The following IPP variants were observed in gnomAD, a reference collection of about 807,000 sequenced individuals.
IPP encodes actin-binding protein IPP.
A neutral mutation model predicts 64.1 loss-of-function variants in IPP; 41 were observed. The observed-to-expected ratio is 0.64, with a 90% CI of 0.50 to 0.83. The LOEUF is 0.83. IPP is among the 40% of genes least tolerant of loss of function. The pLI is 0.00. For synonymous variants in IPP, 214 were observed against 235.2 expected (o/e 0.91, Z 0.83); for missense variants, 649 against 703.0 (o/e 0.92, Z 0.87).
chr1:45,707,745 C>CAT (rs987581920), intron 8 of IPP, among the ~76,000 whole-genome samples: 18 of 151,052 alleles, frequency 1.2e-4, no homozygotes, highest in South Asian at 8.3e-4. Flanking sequence ...GGTGGTCTTA[C>CAT]ATATATATAT....
chr1:45,707,089 C>T (rs1448879769), intron 8 of IPP, among the ~76,000 whole-genome samples: 1 of 152,088 alleles, frequency 6.6e-6, no homozygotes, highest in Non-Finnish European at 1.5e-5. Flanking sequence ...TTTTACAAGT[C>T]AACAGATACA....
intron 3 of IPP, among the ~76,000 whole-genome samples, chr1:45,734,758 T>C (rs937452786): frequency 1.1e-4 from 16 of 151,980 alleles, no homozygotes; most frequent in Non-Finnish European, 2.1e-4. Context: ...TGGCTGGGAA[T>C]ACAGACATGC....
chr1:45,724,282 T>C (rs1264732109), intron 5 of IPP, among the ~76,000 whole-genome samples: 1 of 152,062 alleles, frequency 6.6e-6, no homozygotes, highest in Non-Finnish European at 1.5e-5. Flanking sequence ...GTTCACTCAG[T>C]GCTCAATGGT....
intron 1 of IPP, among the ~76,000 whole-genome samples, chr1:45,748,542 G>A (rs1276939343): frequency 2.6e-5 from 4 of 152,000 alleles, no homozygotes; most frequent in Non-Finnish European, 4.4e-5. Flanking sequence ...TGATAGCACA[G>A]GCCTGTAGTC....
chr1:45,725,228 G>A (rs1645802797), intron 5 of IPP, among the ~76,000 whole-genome samples: 5 of 131,002 alleles, frequency 3.8e-5, no homozygotes, highest in African/African-American at 8.7e-5. Context: ...TCAGCCCCCC[G>A]CCTGGCCAGC....
intron 3 of IPP, among the ~76,000 whole-genome samples, chr1:45,738,311 A>ATT (rs57580711): frequency 6.8e-6 from 1 of 147,562 alleles, no homozygotes; most frequent in South Asian, 2.1e-4. Flanking sequence ...ATTTAGTGTC[A>ATT]TTTTTTTTTT....
chr1:45,728,666 T>C (rs532382618), intron 4 of IPP, among the ~76,000 whole-genome samples: 1 of 152,132 alleles, frequency 6.6e-6, no homozygotes, highest in East Asian at 1.9e-4. Context: ...AGCTAATTTC[T>C]GTATTTTTGC....
In IPP at chr1:45,750,293, C is replaced by T. The variant is rs534802855; in HGVS notation, c.-51+304G>A. ...CACTAAAAGCTAATAATCGTTCCTGCGCTACCTAAAGGTCAGGGAAGGGAT... is the reference window on the plus strand; with the variant it reads ...CACTAAAAGCTAATAATCGTTCCTGTGCTACCTAAAGGTCAGGGAAGGGAT... On this transcript the variant is annotated intron_variant, in intron 1 of 8. Transcript: ENST00000396478. 5.3e-4 allele frequency among the ~76,000 whole-genome samples: 81 copies of T among 152,262 alleles called. 1 individual carries two copies. The highest frequency in any genetic ancestry group is 1.8e-3 in the African/African-American group (76 of 41,558).
rs111790627 is a variant in IPP at position 45,736,097 on chromosome 1, C to T, written c.724+4804G>A. The stretch of plus-strand genomic sequence containing the variant: ...CTGCGTTCTAGCTTCAGTGACAGAG[C>T]GAGACTCCATCTCAAAAAAAAAAAA... On this transcript the variant is annotated intron_variant, in intron 3 of 8. Coordinates refer to ENST00000396478, the MANE Select transcript of IPP (RefSeq NM_005897.3). 4.0e-3 allele frequency among the ~76,000 whole-genome samples: 594 copies of T among 147,400 alleles called. 5 individuals are homozygous for T. The highest frequency in any genetic ancestry group is 0.014 in the African/African-American group (562 of 39,830).
At chr1:45,700,226 G>T (rs1413185573) in intron 8 of IPP, 36 bp from the exon 9 acceptor site, 2 of 1,575,500 alleles carry the variant, frequency 1.3e-6, no homozygotes, top group Non-Finnish European at 1.7e-6. Context: ...TGTTAGCAGT[G>T]TTATGAAATG....
intron 5 of IPP, among the ~76,000 whole-genome samples, chr1:45,725,032 CG>C (rs1282589730): frequency 1.4e-5 from 2 of 139,610 alleles, no homozygotes; most frequent in Non-Finnish European, 3.1e-5. Context: ...GTCAGCCCCC[CG>C]CCCGGCCAGC....
At chr1:45,748,256 T>G (rs1328094336) in intron 1 of IPP, among the ~76,000 whole-genome samples, 2 of 152,194 alleles carry the variant, frequency 1.3e-5, no homozygotes, top group Admixed American at 6.6e-5. Context: ...AATATCACAC[T>G]GTACCTCATA....
intron 8 of IPP, among the ~76,000 whole-genome samples, chr1:45,704,528 G>A (rs562873274): frequency 9.5e-4 from 144 of 152,236 alleles, no homozygotes; most frequent in African/African-American, 3.3e-3. Context: ...GAGACACCGC[G>A]CCCGGCGGAA....
chr1:45,714,779 G>A (rs1284502820), intron 7 of IPP, among the ~76,000 whole-genome samples: 1 of 130,992 alleles, frequency 7.6e-6, no homozygotes, highest in East Asian at 2.2e-4. Context: ...AGATAAAACA[G>A]GAAAGGAACA....
chr1:45,696,415 C>T (rs1278099345), downstream of IPP, among the ~76,000 whole-genome samples: 1 of 152,198 alleles, frequency 6.6e-6, no homozygotes, highest in African/African-American at 2.4e-5. Context: ...AGTTTGGTAA[C>T]CCAGAATGCC....
chr1:45,729,158 A>G (rs1408477376), intron 4 of IPP, among the ~76,000 whole-genome samples: 2 of 151,512 alleles, frequency 1.3e-5, no homozygotes, highest in East Asian at 1.9e-4. Context: ...AAAAAAAAAA[A>G]AAGAAGAAGT....
rs750601627 is a variant in IPP at position 45,719,198 on chromosome 1, A to T, written c.1186+5T>A. 1.2e-6 allele frequency: 2 copies of T among 1,613,904 alleles called. No homozygotes were observed. The highest frequency in any genetic ancestry group is 4.5e-5 in the East Asian group (2 of 44,856). Reference sequence around the variant, plus strand: ...AGCTATCTTTAAACTGAACAACATAATTACCCAAAGCATAGATAGCCCCAT... The same window carrying T: ...AGCTATCTTTAAACTGAACAACATATTTACCCAAAGCATAGATAGCCCCAT... On this transcript the variant is annotated splice_donor_5th_base_variant and intron_variant, in intron 6 of 8. Transcript: ENST00000396478.
intron 2 of IPP, among the ~76,000 whole-genome samples, chr1:45,744,795 C>T (rs893705635): frequency 2.0e-5 from 3 of 151,246 alleles, no homozygotes; most frequent in Admixed American, 1.3e-4. Context: ...GCCGAGACCA[C>T]GCCACTACAC....
intron 8 of IPP, among the ~76,000 whole-genome samples, chr1:45,707,421 TC>T (rs1645526200): frequency 4.8e-5 from 1 of 20,898 alleles, no homozygotes; most frequent in Admixed American, 5.9e-4. Flanking sequence ...AGACTCCATA[TC>T]AAAAAAAAAA....
Sources: gnomAD v4.1 joint callset for allele counts (sites outside exome capture counted in the v4.1 genomes callset) on GRCh38, gnomAD v4.1.1 for gene constraint, MANE v1.5 for transcripts, NCBI Gene and HGNC (gene_info 2026-07-23, HGNC 2026-07-21) for gene names.